ITPR1: variants seen among roughly 807,000 people sequenced by gnomAD.
ITPR1 encodes inositol 1,4,5-trisphosphate-gated calcium channel ITPR1.
A neutral mutation model predicts 318.4 loss-of-function variants in ITPR1; 96 were observed. The ratio of observed to expected loss-of-function variants is 0.30; its 90% CI spans 0.26 to 0.36. The LOEUF (loss-of-function observed/expected upper bound fraction) is 0.36, where lower values mean the gene tolerates loss of function less well. Ranked by LOEUF, ITPR1 falls within the 10% of genes least tolerant of loss-of-function variation. The pLI is 1.00. For synonymous variants in ITPR1, 1,312 were observed against 1,289.9 expected (o/e 1.02, Z -0.37); for missense variants, 2,440 against 3,460.2 (o/e 0.71, Z 7.40).
chr3:4,700,042 C>T (rs1476716116), intron 35 of ITPR1, 101 bp downstream of exon 35: 1 of 1,027,284 alleles, frequency 9.7e-7, no homozygotes, highest in Non-Finnish European at 1.5e-6. Context: ...AACTGGTCTG[C>T]AAGGCATTAA....
chr3:4,812,853 G>A (rs953768057), intron 56 of ITPR1, among the ~76,000 whole-genome samples: 43 of 152,174 alleles, frequency 2.8e-4, no homozygotes, highest in African/African-American at 9.4e-4. Context: ...GAGTCTGTAC[G>A]TTCAGTAGTA....
intron 4 of ITPR1, among the ~76,000 whole-genome samples, chr3:4,545,756 G>T (rs1480679688): frequency 2.7e-5 from 4 of 147,352 alleles, no homozygotes; most frequent in African/African-American, 1.0e-4. Flanking sequence ...AGAGTGCAGT[G>T]GCGTGATCCA....
At chr3:4,636,597 T>G (rs1342922465) in intron 5 of ITPR1, among the ~76,000 whole-genome samples, 1 of 152,078 alleles carries the variant, frequency 6.6e-6, no homozygotes, top group African/African-American at 2.4e-5. Context: ...CCCAGCTAAT[T>G]TTTGTATTTT....
intron 4 of ITPR1, among the ~76,000 whole-genome samples, chr3:4,550,255 A>C (rs145869093): frequency 1.6e-4 from 24 of 151,722 alleles, no homozygotes; most frequent in African/African-American, 5.6e-4. Context: ...TGCTGTTTAG[A>C]CTCAAGGGCC....
intron 4 of ITPR1, among the ~76,000 whole-genome samples, chr3:4,536,918 G>A (rs1036896728): frequency 6.6e-6 from 1 of 151,854 alleles, no homozygotes; most frequent in African/African-American, 2.4e-5. Context: ...GATTTTGGAT[G>A]ATAGCTTAAA....
intron 26 of ITPR1, among the ~76,000 whole-genome samples, chr3:4,682,602 T>C (rs771876725): frequency 5.3e-5 from 8 of 152,226 alleles, no homozygotes; most frequent in Non-Finnish European, 7.3e-5. Flanking sequence ...AACTTAAACA[T>C]GGTATTGTGA....
At chr3:4,703,627 G>A (rs769392123) in intron 36 of ITPR1, among the ~76,000 whole-genome samples, 3 of 152,176 alleles carry the variant, frequency 2.0e-5, no homozygotes, top group Non-Finnish European at 4.4e-5. Context: ...CTTGCAGACA[G>A]TAACAAGAAG....
chr3:4,778,022 A>G (rs1031440064), intron 48 of ITPR1, among the ~76,000 whole-genome samples: 1 of 152,184 alleles, frequency 6.6e-6, no homozygotes, highest in African/African-American at 2.4e-5. Context: ...TGGACTCTCT[A>G]TTACTCAAAC....
intron 52 of ITPR1, among the ~76,000 whole-genome samples, chr3:4,790,044 T>G (rs1158042626): frequency 6.6e-6 from 1 of 152,264 alleles, no homozygotes; most frequent in African/African-American, 2.4e-5. Context: ...ATAAATTGTT[T>G]TATGAAATGT....
At chr3:4,519,290 G>A (rs549201813) in intron 3 of ITPR1, among the ~76,000 whole-genome samples, 6 of 152,052 alleles carry the variant, frequency 3.9e-5, no homozygotes, top group South Asian at 2.1e-4. Context: ...GCAGTGGCAC[G>A]ATCTTGGCTC....
At position 4,800,615 on chromosome 3, in the gene ITPR1, C is replaced by A. The variant is rs563123470; in HGVS notation, c.7107+15C>A. ...GCGCTTTCAATGTAAGTGTGAATAC[C>A]TTCCTTGCCACTGTTTTGTTTGCAG... On this transcript the variant is annotated intron_variant, in intron 54 of 61. Transcript: ENST00000649015. 4.3e-6 allele frequency: 7 copies of A among 1,611,220 alleles called. No homozygotes were observed. The highest frequency in any genetic ancestry group is 1.1e-5 in the South Asian group (1 of 90,884).
chr3:4,648,297 C>G (rs548178104), intron 10 of ITPR1, among the ~76,000 whole-genome samples: 2 of 152,168 alleles, frequency 1.3e-5, no homozygotes, highest in South Asian at 4.2e-4. Flanking sequence ...ATGCATTTGC[C>G]CTTTAGTTAC....
chr3:4,582,753 T>A (rs969790232), intron 4 of ITPR1, among the ~76,000 whole-genome samples: 1 of 152,218 alleles, frequency 6.6e-6, no homozygotes, highest in African/African-American at 2.4e-5. Context: ...TGGGAGATGA[T>A]TAGCTTTCAG....
intron 60 of ITPR1, among the ~76,000 whole-genome samples, chr3:4,821,941 T>G (rs1873021): frequency 6.6e-6 from 1 of 152,250 alleles, no homozygotes; most frequent in Non-Finnish European, 1.5e-5. Flanking sequence ...GTCTTCCCCT[T>G]TCTCCTTTCA....
At chr3:4,581,450 G>A (rs2089328263) in intron 4 of ITPR1, among the ~76,000 whole-genome samples, 1 of 152,140 alleles carries the variant, frequency 6.6e-6, no homozygotes, top group African/African-American at 2.4e-5. Flanking sequence ...ATCAGTTTTA[G>A]GTGGGTTGCC....
intron 44 of ITPR1, among the ~76,000 whole-genome samples, chr3:4,740,971 A>G (rs2043659594): frequency 1.3e-5 from 2 of 152,376 alleles, no homozygotes; most frequent in South Asian, 4.1e-4. Flanking sequence ...GGGAAACTAT[A>G]AAATAAGCAT....
At chr3:4,719,069 T>C (rs1052150922) in intron 40 of ITPR1, among the ~76,000 whole-genome samples, 2 of 152,198 alleles carry the variant, frequency 1.3e-5, no homozygotes, top group African/African-American at 2.4e-5. Flanking sequence ...TTGATGTGTT[T>C]GCTTGCTCAA....
chr3:4,810,861 T>G lies in ITPR1; in HGVS notation c.7273-404T>G, dbSNP rs551992549. Among the ~76,000 whole-genome samples the G allele has an allele frequency of 3.9e-5, 6 of 152,332 alleles. No individual in the cohort carries two copies. In the South Asian group the frequency reaches 1.0e-3, roughly 26 times the overall value. On this transcript the variant is annotated intron_variant, in intron 55 of 61. Coordinates refer to ENST00000649015, the MANE Select transcript of ITPR1 (RefSeq NM_001378452.1). The stretch of plus-strand genomic sequence containing the variant: ...GTACGTCTGCCTTCCCACCAGACAC[T>G]GGGCTGCAGGAGGGCAGGGACCAGG...
intron 60 of ITPR1, among the ~76,000 whole-genome samples, chr3:4,828,251 C>T (rs2050209798): frequency 6.6e-6 from 1 of 152,148 alleles, no homozygotes; most frequent in Non-Finnish European, 1.5e-5. Flanking sequence ...AAGTTGAATA[C>T]TACTGGAATC....
Sources: allele counts gnomAD v4.1 joint callset (sites outside exome capture counted in the v4.1 genomes callset), GRCh38; gene constraint gnomAD v4.1.1; transcripts MANE v1.5; gene names NCBI Gene and HGNC (gene_info 2026-07-23, HGNC 2026-07-21).